The following PTPRD variants were observed in gnomAD, a reference collection of about 807,000 sequenced individuals.
The protein encoded by PTPRD is receptor-type tyrosine-protein phosphatase delta.
A neutral mutation model predicts 214.5 loss-of-function variants in PTPRD; 34 were observed. The ratio of observed to expected loss-of-function variants is 0.16; its 90% CI spans 0.12 to 0.21. PTPRD has a LOEUF of 0.21. Ranked by LOEUF, PTPRD falls within the 10% of genes least tolerant of loss-of-function variation. The probability of loss-of-function intolerance (pLI) is 1.00; values close to 1 mark genes in which losing one functional copy is unlikely to be tolerated. For missense variants in PTPRD, 2,545 were observed against 2,398.7 expected, an observed-to-expected ratio of 1.06 and a Z score of -1.27; for synonymous variants, 1,128 against 845.7, an observed-to-expected ratio of 1.33 and a Z score of -5.79.
chr9:8,984,128 AT>A (rs2099327926), intron 11 of PTPRD, among the ~76,000 whole-genome samples: 1 of 152,050 alleles, frequency 6.6e-6, no homozygotes, highest in South Asian at 2.1e-4. Context: ...TTAAGTCCTA[AT>A]TGCAGTGACA....
At chr9:9,649,164 A>T (rs138678839) in intron 7 of PTPRD, among the ~76,000 whole-genome samples, 3 of 152,174 alleles carry the variant, frequency 2.0e-5, no homozygotes, top group African/African-American at 4.8e-5. Context: ...GCCATATATC[A>T]GTAATTTTCT....
intron 5 of PTPRD, among the ~76,000 whole-genome samples, chr9:9,792,031 A>G (rs1337021448): frequency 6.6e-6 from 1 of 152,134 alleles, no homozygotes; most frequent in African/African-American, 2.4e-5. Flanking sequence ...AAGTCTTATC[A>G]TTTTAAATAT....
At chr9:8,361,296 GC>G (rs2078415320) in intron 39 of PTPRD, among the ~76,000 whole-genome samples, 1 of 152,182 alleles carries the variant, frequency 6.6e-6, no homozygotes, top group Admixed American at 6.5e-5. Flanking sequence ...AGTGGTGGAG[GC>G]TTTGATGAAC....
chr9:10,150,611 A>G (rs1287725907), intron 3 of PTPRD, among the ~76,000 whole-genome samples: 3 of 152,072 alleles, frequency 2.0e-5, no homozygotes, highest in Non-Finnish European at 2.9e-5. Context: ...ATACATATGT[A>G]ACAAACCTGT....
At chr9:9,870,541 A>G (rs1429591753) in intron 5 of PTPRD, among the ~76,000 whole-genome samples, 1 of 152,044 alleles carries the variant, frequency 6.6e-6, no homozygotes, top group Non-Finnish European at 1.5e-5. Flanking sequence ...TGAAATAAAA[A>G]TTACACTTAC....
chr9:10,002,004 T>G (rs541030931), intron 4 of PTPRD, among the ~76,000 whole-genome samples: 64 of 152,148 alleles, frequency 4.2e-4, no homozygotes, highest in African/African-American at 1.5e-3. Context: ...GATGTAATTT[T>G]TATAGCAATG....
rs528638101 is a variant in PTPRD, at chr9:9,080,495, C to T, written c.-142-61760G>A. On this transcript the variant is annotated intron_variant, in intron 10 of 45. Transcript: ENST00000381196. ...AACTTTAGAAATGATATCCTATCAT[C>T]TTATTATCCTCTTTTTTGAGGTTGG... 3.9e-5 allele frequency among the ~76,000 whole-genome samples: 6 copies of T among 152,158 alleles called. No individual in the cohort carries two copies. In the South Asian group the frequency reaches 1.0e-3, roughly 26 times the overall value.
In PTPRD at chr9:8,767,862, A is replaced by G. The variant is rs566466639; in HGVS notation, c.-103-33916T>C. Among the ~76,000 whole-genome samples the G allele has an allele frequency of 1.3e-4, 20 of 152,330 alleles. No individual in the cohort carries two copies. The South Asian group carries it at 3.9e-3, about 30-fold the overall frequency. On this transcript the variant is annotated intron_variant, in intron 11 of 45. Transcript: ENST00000381196. ...GTATGGTCTCATTTAAGTTACAGTA[A>G]AAAGAAAAAAGACCCACTGCTGTGT...
At chr9:10,456,110 G>T (rs941801859) in intron 2 of PTPRD, among the ~76,000 whole-genome samples, 2 of 151,750 alleles carry the variant, frequency 1.3e-5, no homozygotes, top group Non-Finnish European at 3.0e-5. Context: ...GATAGTTTGG[G>T]CTCATTAAGT....
At chr9:9,147,246 A>G (rs573461719) in intron 10 of PTPRD, among the ~76,000 whole-genome samples, 8 of 152,176 alleles carry the variant, frequency 5.3e-5, no homozygotes, top group African/African-American at 1.9e-4. Flanking sequence ...ATTAATTGGC[A>G]AAACTATTCT....
At chr9:10,115,691 C>G (rs1216801082) in intron 3 of PTPRD, among the ~76,000 whole-genome samples, 2 of 151,938 alleles carry the variant, frequency 1.3e-5, no homozygotes, top group African/African-American at 4.8e-5. Flanking sequence ...CACTGTAAAT[C>G]TGTGTAGCTG....
At chr9:10,048,283 C>A (rs993589576) in intron 3 of PTPRD, among the ~76,000 whole-genome samples, 1 of 151,618 alleles carries the variant, frequency 6.6e-6, no homozygotes, top group Non-Finnish European at 1.5e-5. Flanking sequence ...TTACTTCGAT[C>A]TCTGTTTCAG....
intron 9 of PTPRD, among the ~76,000 whole-genome samples, chr9:9,227,177 A>T (rs1302729241): frequency 1.3e-5 from 2 of 152,120 alleles, no homozygotes; most frequent in Non-Finnish European, 2.9e-5. Context: ...CCCGAAGTAC[A>T]ATCACGGTCA....
intron 11 of PTPRD, among the ~76,000 whole-genome samples, chr9:8,827,344 T>C (rs1158634682): frequency 6.6e-6 from 1 of 152,144 alleles, no homozygotes; most frequent in African/African-American, 2.4e-5. Context: ...AGGTGGCTCA[T>C]GCCTGTAATC....
chr9:9,397,571 T>C (rs2068386072), intron 8 of PTPRD, 89 bp from the exon 9 acceptor site: 1 of 152,370 alleles, frequency 6.6e-6, no homozygotes, highest in African/African-American at 2.4e-5. Context: ...TATGGACATA[T>C]CTATAGAAGC....
At chr9:8,940,572 G>A (rs1299715645) in intron 11 of PTPRD, among the ~76,000 whole-genome samples, 3 of 150,278 alleles carry the variant, frequency 2.0e-5, no homozygotes, top group African/African-American at 7.3e-5. Flanking sequence ...GGGATTACAG[G>A]TGTGAGCCAC....
intron 21 of PTPRD, among the ~76,000 whole-genome samples, chr9:8,509,540 C>T (rs1483218292): frequency 6.6e-6 from 1 of 152,186 alleles, no homozygotes; most frequent in Non-Finnish European, 1.5e-5. Context: ...ACACAGACAA[C>T]ACTGAAGGGC....
At chr9:8,355,417 T>C (rs2076728519) in intron 39 of PTPRD, among the ~76,000 whole-genome samples, 1 of 113,284 alleles carries the variant, frequency 8.8e-6, no homozygotes, top group Non-Finnish European at 2.2e-5. Flanking sequence ...TTAGAATATT[T>C]TGGTCTATGG....
intron 10 of PTPRD, among the ~76,000 whole-genome samples, chr9:9,178,570 G>A (rs796474298): frequency 3.9e-5 from 6 of 151,994 alleles, no homozygotes; most frequent in East Asian, 1.9e-4. Context: ...AATATTCTCT[G>A]ACCATGTAAG....
Sources: gnomAD v4.1 joint callset for allele counts (sites outside exome capture counted in the v4.1 genomes callset) on GRCh38, gnomAD v4.1.1 for gene constraint, MANE v1.5 for transcripts, NCBI Gene and HGNC (gene_info 2026-07-23, HGNC 2026-07-21) for gene names.